RSRC1: variants seen among roughly 807,000 people sequenced by gnomAD.
RSRC1 encodes the protein serine/Arginine-related protein 53.
RSRC1 carries 39 observed loss-of-function variants against 49.1 expected under a neutral mutation model. That is an observed-to-expected ratio of 0.79 (90% CI 0.61 to 1.04). RSRC1 has a LOEUF of 1.04. Ranked by LOEUF, RSRC1 falls within the 50% of genes least tolerant of loss-of-function variation. The probability of loss-of-function intolerance (pLI) is 0.00; values close to 1 mark genes in which losing one functional copy is unlikely to be tolerated. For missense variants in RSRC1, 388 were observed against 402.4 expected, an observed-to-expected ratio of 0.96 and a Z score of 0.31; for synonymous variants, 143 against 130.8, an observed-to-expected ratio of 1.09 and a Z score of -0.63.
chr3:158,259,132 G>A (rs1477327338), intron 4 of RSRC1, among the ~76,000 whole-genome samples: 1 of 151,946 alleles, frequency 6.6e-6, no homozygotes, highest in Non-Finnish European at 1.5e-5. Context: ...TCGGTGTCTG[G>A]GCATTGAAAT....
rs138321811 is a variant in RSRC1, at chr3:158,480,599, A to C, written c.652+19596A>C. 3.1e-4 allele frequency among the ~76,000 whole-genome samples: 47 copies of C among 152,174 alleles called. No individual in the cohort carries two copies. The East Asian group carries it at 6.4e-3, about 21-fold the overall frequency. On this transcript the variant is annotated intron_variant, in intron 7 of 9. Coordinates refer to ENST00000611884, the MANE Select transcript of RSRC1 (RefSeq NM_001271838.2). ...GCATATCAGTAACTGACATTTGGAC[A>C]TACCTGCAGTGTACTGAAACCATAT...
At chr3:158,524,119 C>A (rs750770417) in intron 7 of RSRC1, among the ~76,000 whole-genome samples, 10 of 152,060 alleles carry the variant, frequency 6.6e-5, no homozygotes, top group Non-Finnish European at 1.2e-4. Flanking sequence ...TCATTGAAAT[C>A]TCTGCTCTTG....
chr3:158,157,821 A>G (rs1255342223), intron 3 of RSRC1, among the ~76,000 whole-genome samples: 2 of 152,142 alleles, frequency 1.3e-5, no homozygotes, highest in East Asian at 3.9e-4. Context: ...AGGCTGAGGC[A>G]GGAGAATAGC....
intron 5 of RSRC1, among the ~76,000 whole-genome samples, chr3:158,343,125 C>T (rs1404163862): frequency 6.6e-6 from 1 of 152,178 alleles, no homozygotes; most frequent in Non-Finnish European, 1.5e-5. Context: ...GAAATAGCCA[C>T]CTAAAATGAT....
intron 6 of RSRC1, among the ~76,000 whole-genome samples, chr3:158,399,857 A>C (rs1241370667): frequency 6.6e-6 from 1 of 152,110 alleles, no homozygotes; most frequent in African/African-American, 2.4e-5. Flanking sequence ...TACTCTATAC[A>C]TTTCTTTTCT....
intron 6 of RSRC1, among the ~76,000 whole-genome samples, chr3:158,362,068 G>T (rs988797997): frequency 2.6e-5 from 4 of 152,140 alleles, no homozygotes; most frequent in Non-Finnish European, 4.4e-5. Context: ...TCCAGACATG[G>T]TGGCTCACTC....
chr3:158,418,569 A>G (rs535005986), intron 6 of RSRC1, among the ~76,000 whole-genome samples: 1 of 151,982 alleles, frequency 6.6e-6, no homozygotes, highest in Non-Finnish European at 1.5e-5. Flanking sequence ...TCTTTTGTGG[A>G]CGTTGAGGAG....
intron 6 of RSRC1, among the ~76,000 whole-genome samples, chr3:158,367,343 G>A (rs12639261): frequency 6.6e-6 from 1 of 151,974 alleles, no homozygotes; most frequent in Admixed American, 6.5e-5. Context: ...TTTTTTGCAT[G>A]AAGGGGTGTT....
At chr3:158,367,668 G>A (rs923234853) in intron 6 of RSRC1, among the ~76,000 whole-genome samples, 9 of 152,194 alleles carry the variant, frequency 5.9e-5, no homozygotes, top group Admixed American at 5.9e-4. Flanking sequence ...AAATGAGTTG[G>A]GGAGGAGTCC....
At chr3:158,477,901 T>C (rs917122371) in intron 7 of RSRC1, among the ~76,000 whole-genome samples, 6 of 149,104 alleles carry the variant, frequency 4.0e-5, no homozygotes, top group Admixed American at 6.7e-5. Context: ...GTTAATACTT[T>C]CCTGTTTTCT....
At chr3:158,200,370 T>C (rs564426694) in intron 3 of RSRC1, among the ~76,000 whole-genome samples, 1 of 152,312 alleles carries the variant, frequency 6.6e-6, no homozygotes, top group South Asian at 2.1e-4. Context: ...CTGTGTCTGC[T>C]TATTTAAAGT....
intron 6 of RSRC1, among the ~76,000 whole-genome samples, chr3:158,443,682 A>G (rs1487362452): frequency 6.6e-6 from 1 of 152,138 alleles, no homozygotes; most frequent in Non-Finnish European, 1.5e-5. Context: ...TTTAATTTCT[A>G]TCAAGAACTT....
intron 3 of RSRC1, among the ~76,000 whole-genome samples, chr3:158,177,821 G>A (rs1719323742): frequency 6.6e-6 from 1 of 152,056 alleles, no homozygotes; most frequent in African/African-American, 2.4e-5. Context: ...TTGGCCATTT[G>A]CAATATAACT....
chr3:158,478,433 ATAAAT>A (rs1738475773), intron 7 of RSRC1, among the ~76,000 whole-genome samples: 1 of 152,034 alleles, frequency 6.6e-6, no homozygotes, highest in Non-Finnish European at 1.5e-5. Context: ...CTAAAACTAG[ATAAAT>A]TAAACTCTCA....
chr3:158,410,170 G>T (rs1734379643), intron 6 of RSRC1, among the ~76,000 whole-genome samples: 1 of 152,030 alleles, frequency 6.6e-6, no homozygotes, highest in Non-Finnish European at 1.5e-5. Context: ...GCTATTTGTT[G>T]TTACCTACTG....
At chr3:158,409,763 T>G (rs1734347914) in intron 6 of RSRC1, among the ~76,000 whole-genome samples, 1 of 152,106 alleles carries the variant, frequency 6.6e-6, no homozygotes, top group Non-Finnish European at 1.5e-5. Flanking sequence ...AGGTTAATGA[T>G]GAGTTGTGCT....
chr3:158,367,765 T>G (rs372909966), intron 6 of RSRC1, among the ~76,000 whole-genome samples: 1 of 152,216 alleles, frequency 6.6e-6, no homozygotes, highest in South Asian at 2.1e-4. Context: ...GTTAAAGCTT[T>G]TTTTTTCAAT....
intron 4 of RSRC1, among the ~76,000 whole-genome samples, chr3:158,263,514 G>C (rs1228021839): frequency 6.6e-6 from 1 of 152,070 alleles, no homozygotes; most frequent in Non-Finnish European, 1.5e-5. Flanking sequence ...GTCTGTGTTT[G>C]GTGACAGGGT....
At chr3:158,315,154 T>G (rs1223068814) in intron 5 of RSRC1, among the ~76,000 whole-genome samples, 1 of 152,314 alleles carries the variant, frequency 6.6e-6, no homozygotes, top group African/African-American at 2.4e-5. Flanking sequence ...CTTACAACTG[T>G]AAACCCATAA....
Sources: gnomAD v4.1 joint callset for allele counts (sites outside exome capture counted in the v4.1 genomes callset) on GRCh38, gnomAD v4.1.1 for gene constraint, MANE v1.5 for transcripts, NCBI Gene and HGNC (gene_info 2026-07-23, HGNC 2026-07-21) for gene names.